The following HMGCLL1 variants were observed in gnomAD, a reference collection of about 807,000 sequenced individuals.
HMGCLL1 encodes the protein 3-hydroxy-3-methylglutaryl-CoA lyase like 1, also known as 3-hydroxymethyl-3-methylglutaryl-CoA lyase, cytoplasmic.
In HMGCLL1, 36 loss-of-function variants were observed where a neutral mutation model predicts 39.1. The ratio of observed to expected loss-of-function variants is 0.92; its 90% CI spans 0.71 to 1.22. The LOEUF (loss-of-function observed/expected upper bound fraction) is 1.22, where lower values mean the gene tolerates loss of function less well. Among genes scored for constraint, HMGCLL1 ranks in the 50% most tolerant of loss-of-function variants. The pLI is 0.00. For synonymous variants in HMGCLL1, 149 were observed against 144.0 expected, an observed-to-expected ratio of 1.03 and a Z score of -0.25; for missense variants, 451 against 416.5, an observed-to-expected ratio of 1.08 and a Z score of -0.72.
At chr6:55,573,012 G>A (rs1339117256) in intron 1 of HMGCLL1, among the ~76,000 whole-genome samples, 3 of 152,164 alleles carry the variant, frequency 2.0e-5, no homozygotes, top group Non-Finnish European at 2.9e-5. Context: ...AGATCTTCCA[G>A]GAGCCTAGCA....
chr6:55,570,624 A>G (rs1293559875), intron 1 of HMGCLL1, among the ~76,000 whole-genome samples: 2 of 152,168 alleles, frequency 1.3e-5, no homozygotes, highest in African/African-American at 4.8e-5. Flanking sequence ...ACCATTCAGC[A>G]GTTTATTCAA....
At chr6:55,511,202 A>T (rs893492721) in intron 5 of HMGCLL1, among the ~76,000 whole-genome samples, 6 of 152,108 alleles carry the variant, frequency 3.9e-5, no homozygotes, top group Admixed American at 6.6e-5. Context: ...ATCTAGATTT[A>T]AAAAAAGTCA....
chr6:55,563,146 A>G (rs566300064), intron 1 of HMGCLL1, among the ~76,000 whole-genome samples: 20 of 152,170 alleles, frequency 1.3e-4, no homozygotes, highest in Non-Finnish European at 2.4e-4. Context: ...TCTATAAGCA[A>G]TAAGTGTTTG....
chr6:55,449,038 C>T (rs1488082433), intron 7 of HMGCLL1, among the ~76,000 whole-genome samples: 1 of 152,106 alleles, frequency 6.6e-6, no homozygotes, highest in Non-Finnish European at 1.5e-5. Context: ...AAGGTAGCAC[C>T]TAAAAAGGAA....
intron 7 of HMGCLL1, among the ~76,000 whole-genome samples, chr6:55,461,843 G>A (rs1561894338): frequency 6.6e-6 from 1 of 152,072 alleles, no homozygotes. Flanking sequence ...TACCTGTGAA[G>A]AACTACTCAA....
At chr6:55,438,462 A>C (rs938539221) in intron 8 of HMGCLL1, among the ~76,000 whole-genome samples, 24 of 152,204 alleles carry the variant, frequency 1.6e-4, no homozygotes, top group African/African-American at 5.1e-4. Context: ...AAAACATGAA[A>C]ACACTAAGGA....
At chr6:55,515,333 G>A (rs1325780208) in intron 4 of HMGCLL1, among the ~76,000 whole-genome samples, 2 of 151,086 alleles carry the variant, frequency 1.3e-5, no homozygotes, top group Non-Finnish European at 2.9e-5. Context: ...AAAAAATATT[G>A]GCTTTTATGC....
At chr6:55,502,049 TTTGACTTAAGTGAATACATAGTAG>T (rs1364886882) in intron 5 of HMGCLL1, among the ~76,000 whole-genome samples, 1 of 151,854 alleles carries the variant, frequency 6.6e-6, no homozygotes, top group Non-Finnish European at 1.5e-5. Flanking sequence ...GTTCAATGTT[TTTGACTTAAGTGAATACATAGTAG>T]TTCTTTCAGC....
chr6:55,607,808 A>G, the HMGCLL1 span, among the ~76,000 whole-genome samples: 9 of 152,258 alleles, frequency 5.9e-5, no homozygotes, highest in South Asian at 1.9e-3. Context: ...TTCTCCTAGA[A>G]TCCAGACTAG....
intron 1 of HMGCLL1, among the ~76,000 whole-genome samples, chr6:55,571,023 T>C (rs1771458403): frequency 6.6e-6 from 1 of 152,160 alleles, no homozygotes; most frequent in Non-Finnish European, 1.5e-5. Context: ...AAGAACAGTA[T>C]GCGGGGAACA....
the HMGCLL1 span, among the ~76,000 whole-genome samples, chr6:55,661,472 C>A: frequency 2.6e-5 from 4 of 151,622 alleles, no homozygotes; most frequent in Non-Finnish European, 5.9e-5. Flanking sequence ...TGAATGAGTT[C>A]TTTCCCCAGT....
chr6:55,438,021 G>T (rs1763438878), intron 8 of HMGCLL1, among the ~76,000 whole-genome samples: 1 of 151,998 alleles, frequency 6.6e-6, no homozygotes, highest in South Asian at 2.1e-4. Context: ...ACCCTTGGAT[G>T]TTGAAATTTT....
At chr6:55,451,583 A>AAAAAC (rs576473555) in intron 7 of HMGCLL1, among the ~76,000 whole-genome samples, 10,302 of 66,646 alleles carry the variant, frequency 0.15, 422 homozygotes, top group East Asian at 0.27. Flanking sequence ...AAACAAAAAC[A>AAAAAC]AAAAAAGTCA....
Position 55,477,432 on chromosome 6 carries a change from T to A in HMGCLL1, c.795+17987A>T, listed in dbSNP as rs574782503. Among the ~76,000 whole-genome samples, 6 of 61,032 alleles carry A rather than the reference T, an allele frequency of 9.8e-5. 1 individual carries two copies. The South Asian group carries it at 2.5e-3, about 26-fold the overall frequency. 40.0% of individuals were successfully genotyped at this position (61,032 alleles called of 152,430 possible). Reference sequence around the variant, plus strand: ...AAATATATATTATCTTAATATATATTATATATTATATATATAATATATTAC... The same window carrying A: ...AAATATATATTATCTTAATATATATAATATATTATATATATAATATATTAC... On this transcript the variant is annotated intron_variant, in intron 7 of 8. Transcript: ENST00000274901.
intron 3 of HMGCLL1, among the ~76,000 whole-genome samples, chr6:55,525,833 G>A (rs1264461895): frequency 1.3e-5 from 2 of 151,894 alleles, no homozygotes; most frequent in African/African-American, 2.4e-5. Flanking sequence ...CCTGCGGTGA[G>A]GAGTAGAAGT....
At chr6:55,632,842 A>G in the HMGCLL1 span, among the ~76,000 whole-genome samples, 333 of 152,160 alleles carry the variant, frequency 2.2e-3, 2 homozygotes, top group African/African-American at 7.7e-3. Context: ...CTAGATTTGG[A>G]TGATAGAAAA....
intron 7 of HMGCLL1, among the ~76,000 whole-genome samples, chr6:55,482,344 A>C (rs72970097): frequency 0.018 from 2,812 of 152,216 alleles, 39 homozygotes; most frequent in Middle Eastern, 0.044. Flanking sequence ...TTGAAGTTAC[A>C]TCTTAGCAAA....
intron 7 of HMGCLL1, among the ~76,000 whole-genome samples, chr6:55,462,012 C>G (rs900143119): frequency 5.3e-5 from 8 of 152,186 alleles, no homozygotes; most frequent in African/African-American, 1.9e-4. Context: ...ACATTCCTAC[C>G]AAATACAGCA....
At chr6:55,536,741 T>G (rs138834576) in intron 3 of HMGCLL1, among the ~76,000 whole-genome samples, 2,004 of 152,206 alleles carry the variant, frequency 0.013, 32 homozygotes, top group Non-Finnish European at 0.023. Context: ...AGGTTATAGG[T>G]GTGGGATCCT....
Sources: allele counts gnomAD v4.1 joint callset (sites outside exome capture counted in the v4.1 genomes callset), GRCh38; gene constraint gnomAD v4.1.1; transcripts MANE v1.5; gene names NCBI Gene and HGNC (gene_info 2026-07-23, HGNC 2026-07-21).